RAPGEF5: variants seen among roughly 807,000 people sequenced by gnomAD.
RAPGEF5 encodes the protein Rap guanine nucleotide exchange factor 5.
Under a neutral mutation model 125.2 loss-of-function variants are expected in RAPGEF5, and 65 were observed. That is an observed-to-expected ratio of 0.52 (90% confidence interval 0.43 to 0.64). The LOEUF (loss-of-function observed/expected upper bound fraction) is 0.64. Ranked by LOEUF, RAPGEF5 falls within the 30% of genes least tolerant of loss-of-function variation. RAPGEF5 has a pLI of 0.00. For missense variants in RAPGEF5, 958 were observed against 1,048.1 expected, an observed-to-expected ratio of 0.91 and a Z score of 1.19; for synonymous variants, 391 against 385.9, an observed-to-expected ratio of 1.01 and a Z score of -0.16.
intron 8 of RAPGEF5, among the ~76,000 whole-genome samples, chr7:22,223,531 G>A (rs567538005): frequency 2.6e-5 from 4 of 152,184 alleles, no homozygotes; most frequent in South Asian, 2.1e-4. Flanking sequence ...TTAACATGAC[G>A]GCTATTCCAG....
chr7:22,201,312 C>T (rs1377063933), intron 9 of RAPGEF5, among the ~76,000 whole-genome samples: 1 of 152,204 alleles, frequency 6.6e-6, no homozygotes, highest in Non-Finnish European at 1.5e-5. Context: ...GCATCCCATT[C>T]AGAGCAGGAG....
chr7:22,199,531 G>GAAAAAAAAA (rs35024654), intron 9 of RAPGEF5, among the ~76,000 whole-genome samples: 21 of 62,832 alleles, frequency 3.3e-4, no homozygotes, highest in Non-Finnish European at 2.3e-4. Flanking sequence ...CCTTAAAATT[G>GAAAAAAAAA]AAAAAAAAAA....
intron 9 of RAPGEF5, among the ~76,000 whole-genome samples, chr7:22,214,762 T>C (rs1264921511): frequency 6.6e-6 from 1 of 151,446 alleles, no homozygotes; most frequent in Non-Finnish European, 1.5e-5. Flanking sequence ...CATGCCCTCT[T>C]TCGAAGGACT....
chr7:22,355,289 A>G (rs1219634203), intron 1 of RAPGEF5, among the ~76,000 whole-genome samples: 2 of 152,234 alleles, frequency 1.3e-5, no homozygotes, highest in Admixed American at 1.3e-4. Flanking sequence ...GGCAGCAAGA[A>G]ACATGAGTAT....
At chr7:22,195,610 T>C (rs1785130164) in intron 9 of RAPGEF5, among the ~76,000 whole-genome samples, 1 of 152,198 alleles carries the variant, frequency 6.6e-6, no homozygotes, top group Non-Finnish European at 1.5e-5. Flanking sequence ...TCCCGTAACA[T>C]GAATACCAAT....
At chr7:22,311,129 G>A (rs1783460635) in intron 3 of RAPGEF5, among the ~76,000 whole-genome samples, 1 of 152,058 alleles carries the variant, frequency 6.6e-6, no homozygotes, top group Middle Eastern at 3.2e-3. Context: ...AGACTTGAGA[G>A]ATCCTCCCAC....
intron 11 of RAPGEF5, among the ~76,000 whole-genome samples, chr7:22,190,717 A>G (rs1784967245): frequency 6.6e-6 from 1 of 152,170 alleles, no homozygotes; most frequent in Non-Finnish European, 1.5e-5. Flanking sequence ...CTACATTTTC[A>G]CAAATTAGTG....
chr7:22,173,851 C>CT (rs2128118485), intron 11 of RAPGEF5, among the ~76,000 whole-genome samples: 1 of 122 alleles, frequency 8.2e-3, no homozygotes, highest in South Asian at 0.25. Flanking sequence ...GTTGTTACAT[C>CT]CCAATCAGCT....
At chr7:22,178,227 T>C (rs1048888317) in intron 11 of RAPGEF5, among the ~76,000 whole-genome samples, 8 of 152,174 alleles carry the variant, frequency 5.3e-5, no homozygotes, top group African/African-American at 1.9e-4. Context: ...ACTAAAAAAA[T>C]TGTTTACAAA....
chr7:22,276,860 A>AG (rs1436519843), intron 6 of RAPGEF5, among the ~76,000 whole-genome samples: 1 of 152,196 alleles, frequency 6.6e-6, no homozygotes, highest in East Asian at 1.9e-4. Flanking sequence ...GTGCTATTTG[A>AG]GTGTTATCTA....
At chr7:22,316,038 T>A (rs1456682418) in intron 2 of RAPGEF5, among the ~76,000 whole-genome samples, 1 of 152,160 alleles carries the variant, frequency 6.6e-6, no homozygotes, top group African/African-American at 2.4e-5. Context: ...TACTTCATAA[T>A]TCCAACTATC....
At chr7:22,163,921 T>A (rs1473552497) in intron 12 of RAPGEF5, among the ~76,000 whole-genome samples, 1 of 152,156 alleles carries the variant, frequency 6.6e-6, no homozygotes, top group Non-Finnish European at 1.5e-5. Context: ...TGTCTCCCCA[T>A]CCTGCAAAAA....
In RAPGEF5 at chr7:22,177,562, T is replaced by C. The variant is rs150632505; in HGVS notation, c.1205-10414A>G. Among the ~76,000 whole-genome samples the C allele has an allele frequency of 2.9e-3, 442 of 152,344 alleles. 4 individuals are homozygous for C. The highest frequency in any genetic ancestry group is 0.01 in the African/African-American group (422 of 41,584). ...ATATACTCAAAACAGCCACCCTTTA[T>C]TGACCACAAACTGTGCCAGTGCTAA... On this transcript the variant is annotated intron_variant, in intron 11 of 25. Coordinates refer to ENST00000665637, the MANE Select transcript of RAPGEF5 (RefSeq NM_012294.5).
intron 6 of RAPGEF5, among the ~76,000 whole-genome samples, chr7:22,282,190 C>T (rs1011513286): frequency 3.3e-5 from 5 of 152,340 alleles, no homozygotes. Context: ...ACTTTGTATT[C>T]ACCACAGAGA....
At position 22,224,886 on chromosome 7, in the gene RAPGEF5, G is replaced by A. The variant is rs372227482; in HGVS notation, c.871-4895C>T. ...ATTACAGCATCATCAATAAAAGGCC[G>A]AAATTAAATAGAGGAAATTTAAGGT... On this transcript the variant is annotated intron_variant, in intron 8 of 25. Transcript: ENST00000665637. 1.1e-4 allele frequency among the ~76,000 whole-genome samples: 17 copies of A among 150,420 alleles called. No individual in the cohort carries two copies. In the East Asian group the frequency reaches 2.7e-3, roughly 24 times the overall value.
chr7:22,251,775 C>CA (rs58681076), intron 7 of RAPGEF5, among the ~76,000 whole-genome samples: 24,802 of 72,374 alleles, frequency 0.34, 5,567 homozygotes, highest in Middle Eastern at 0.38. Flanking sequence ...GTTTCATTGA[C>CA]AAAAAAAAAA....
intron 1 of RAPGEF5, among the ~76,000 whole-genome samples, chr7:22,318,972 G>C (rs1783660035): frequency 6.6e-6 from 1 of 152,140 alleles, no homozygotes; most frequent in Non-Finnish European, 1.5e-5. Flanking sequence ...TGTGCACAAA[G>C]ATGTTTATTT....
chr7:22,248,944 A>G (rs1786549273), intron 7 of RAPGEF5, among the ~76,000 whole-genome samples: 1 of 152,240 alleles, frequency 6.6e-6, no homozygotes, highest in Non-Finnish European at 1.5e-5. Flanking sequence ...GCCTACAAAG[A>G]CAACCTCAAC....
chr7:22,266,125 T>A (rs548625386), intron 7 of RAPGEF5, among the ~76,000 whole-genome samples: 41 of 152,358 alleles, frequency 2.7e-4, no homozygotes, highest in African/African-American at 9.6e-4. Context: ...ATATAAAATG[T>A]ACAGTTTGTG....
Sources: gnomAD v4.1 joint callset for allele counts (sites outside exome capture counted in the v4.1 genomes callset) on GRCh38, gnomAD v4.1.1 for gene constraint, MANE v1.5 for transcripts, NCBI Gene and HGNC (gene_info 2026-07-23, HGNC 2026-07-21) for gene names.